Variants in TMCO1 observed in about 807,000 individuals in gnomAD.
TMCO1 encodes transmembrane and coiled-coil domains 1, also known as calcium load-activated calcium channel.
Under a neutral mutation model 29.3 loss-of-function variants are expected in TMCO1, and 29 were observed. The ratio of observed to expected loss-of-function variants is 0.99; its 90% CI spans 0.74 to 1.35. The LOEUF (loss-of-function observed/expected upper bound fraction) is 1.35, where lower values mean the gene tolerates loss of function less well. Among genes scored for constraint, TMCO1 ranks in the 40% most tolerant of loss-of-function variants. The probability of loss-of-function intolerance (pLI) is 0.00; values close to 1 mark genes in which losing one functional copy is unlikely to be tolerated. For synonymous variants in TMCO1, 80 were observed against 77.1 expected (o/e 1.04, Z -0.20); for missense variants, 173 against 225.5 (o/e 0.77, Z 1.49).
intron 5 of TMCO1, among the ~76,000 whole-genome samples, chr1:165,750,331 T>C (rs1363205145): frequency 6.6e-6 from 1 of 151,362 alleles, no homozygotes; most frequent in Non-Finnish European, 1.5e-5. Flanking sequence ...CCTGAGGTCA[T>C]GAGTTCGAGA....
chr1:165,761,269 TCAAA>T (rs1176269703), intron 2 of TMCO1, among the ~76,000 whole-genome samples: 6 of 152,068 alleles, frequency 3.9e-5, no homozygotes, highest in Admixed American at 3.3e-4. Context: ...GCATGGTGGC[TCAAA>T]CCTGTAATCC....
chr1:165,763,008 C>A (rs1652449683), intron 2 of TMCO1, among the ~76,000 whole-genome samples: 1 of 152,202 alleles, frequency 6.6e-6, no homozygotes, highest in Non-Finnish European at 1.5e-5. Flanking sequence ...CAACTCACTA[C>A]CTTTAAGAAA....
At chr1:165,726,465 C>T, downstream of TMCO1, 1 of 553,864 alleles carries the variant, frequency 1.8e-6, no homozygotes. Context: ...TAATATAGAG[C>T]TTGACAGCCT....
At position 165,744,111 on chromosome 1, in the gene TMCO1, G is replaced by C. The variant is rs115586486; in HGVS notation, c.324-800C>G. Among the ~76,000 whole-genome samples, 711 of 152,152 alleles carry C rather than the reference G, an allele frequency of 4.7e-3. 5 individuals carry two copies. Among genetic ancestry groups the C allele is most frequent in the African/African-American group, 0.016 (680 of 41,476 alleles). Reference sequence around the variant, plus strand: ...TTGACCTCATGATCCGCCTGCCTCAGCCTCTCAAAGTCCTACAGGAATAGA... The same window carrying C: ...TTGACCTCATGATCCGCCTGCCTCACCCTCTCAAAGTCCTACAGGAATAGA... On this transcript the variant is annotated intron_variant, in intron 5 of 6. Transcript: ENST00000367881.
At position 165,752,045 on chromosome 1, in the gene TMCO1, A is replaced by G. The variant is rs1652010591; in HGVS notation, c.323+57T>C. 5 of 1,363,044 alleles carry G rather than the reference A, an allele frequency of 3.7e-6. No individual in the cohort carries two copies. The Admixed American group carries it at 8.6e-5, about 24-fold the overall frequency. 84.4% of individuals were successfully genotyped at this position (1,363,044 alleles called of 1,614,324 possible). ...TTTTACCCAAAAAGTTCATGCTAAC[A>G]TACATACAAATATAGAGTAATAGTT... On this transcript the variant is annotated intron_variant, in intron 5 of 6. Coordinates refer to ENST00000367881, the MANE Select transcript of TMCO1 (RefSeq NM_019026.6).
chr1:165,726,138 G>A (rs2101780452), downstream of TMCO1: 1 of 695,482 alleles, frequency 1.4e-6, no homozygotes, highest in East Asian at 2.7e-5. Context: ...TGTCATTATT[G>A]TTATCATGGG....
downstream of TMCO1, chr1:165,726,463 A>G: frequency 1.8e-6 from 1 of 556,964 alleles, no homozygotes; most frequent in Non-Finnish European, 3.4e-6. Flanking sequence ...TGTAATATAG[A>G]GCTTGACAGC....
chr1:165,755,090 G>C lies in TMCO1; in HGVS notation c.209-816C>G, dbSNP rs1042690408. The C allele has an allele frequency of 2.6e-5, 4 of 152,120 alleles. No homozygotes were observed. In the South Asian group the frequency reaches 8.3e-4, roughly 32 times the overall value. The allele number at this position is 152,120 out of a possible 1,614,324, so 9.4% of individuals were successfully genotyped here. A position where few individuals can be genotyped will look rare whatever the true frequency, so the allele number is the denominator to read the frequency against. ...ATGAAATTTGACAAAATTTCATGGA[G>C]AGAATAATCTGGAAATATGCAAAAG... is the stretch of plus-strand genomic sequence containing the variant. On this transcript the variant is annotated intron_variant, in intron 3 of 6. Transcript: ENST00000367881.
chr1:165,724,695 A>G (rs1266983889), downstream of TMCO1: 1 of 454,116 alleles, frequency 2.2e-6, no homozygotes, highest in African/African-American at 2.0e-5. Flanking sequence ...AGCTAACTGC[A>G]ATATTCAGTA....
At position 165,746,507 on chromosome 1, in the gene TMCO1, T is replaced by C. The variant is rs112637733; in HGVS notation, c.324-3196A>G. ...CACACACAGCATCTAGTATTTTATATTGATGAACTGCAAAAATAATCTGGC... is the reference window on the plus strand; with the variant it reads ...CACACACAGCATCTAGTATTTTATACTGATGAACTGCAAAAATAATCTGGC... On this transcript the variant is annotated intron_variant, in intron 5 of 6. Coordinates refer to ENST00000367881, the MANE Select transcript of TMCO1 (RefSeq NM_019026.6). 1.1e-3 allele frequency among the ~76,000 whole-genome samples: 160 copies of C among 148,040 alleles called. 1 individual carries two copies. The highest frequency in any genetic ancestry group is 2.0e-3 in the Non-Finnish European group (132 of 67,336).
chr1:165,746,515 C>A (rs2101801632), intron 5 of TMCO1, among the ~76,000 whole-genome samples: 1 of 144,040 alleles, frequency 6.9e-6, no homozygotes, highest in Middle Eastern at 3.6e-3. Flanking sequence ...TATTGATGAA[C>A]TGCAAAAATA....
At chr1:165,737,994 A>G (rs1453464663) in intron 6 of TMCO1, among the ~76,000 whole-genome samples, 1 of 152,186 alleles carries the variant, frequency 6.6e-6, no homozygotes, top group African/African-American at 2.4e-5. Flanking sequence ...TCATGCCTCC[A>G]TGTTTCCTAT....
intron 2 of TMCO1, among the ~76,000 whole-genome samples, chr1:165,763,358 G>A (rs556669263): frequency 6.6e-6 from 1 of 152,166 alleles, no homozygotes; most frequent in South Asian, 2.1e-4. Context: ...AGAATTTGTG[G>A]CCGCTCATTT....
chr1:165,729,047 G>A (rs780356348), intron 6 of TMCO1, among the ~76,000 whole-genome samples: 28 of 149,456 alleles, frequency 1.9e-4, no homozygotes, highest in Non-Finnish European at 2.8e-4. Context: ...CAGAGGCTGC[G>A]TGAGCCAAGA....
intron 6 of TMCO1, among the ~76,000 whole-genome samples, chr1:165,740,150 G>A (rs1318215469): frequency 6.6e-6 from 1 of 150,732 alleles, no homozygotes; most frequent in Non-Finnish European, 1.5e-5. Flanking sequence ...ACTCAGAATT[G>A]CTCTTTGTTG....
intron 5 of TMCO1, among the ~76,000 whole-genome samples, chr1:165,743,921 C>G (rs10918272): frequency 6.7e-6 from 1 of 149,624 alleles, no homozygotes; most frequent in African/African-American, 2.5e-5. Flanking sequence ...AGTGCAGTGT[C>G]GCCGTCTCAG....
chr1:165,732,603 T>C (rs1191709591), intron 6 of TMCO1, among the ~76,000 whole-genome samples: 1 of 151,780 alleles, frequency 6.6e-6, no homozygotes, highest in Non-Finnish European at 1.5e-5. Context: ...ACATAAACTA[T>C]GGATTTGGGG....
intron 2 of TMCO1, among the ~76,000 whole-genome samples, chr1:165,762,725 G>A (rs990799047): frequency 3.9e-5 from 6 of 152,090 alleles, no homozygotes; most frequent in Admixed American, 3.9e-4. Flanking sequence ...AAATTCCAGA[G>A]TTCTGCCAAA....
chr1:165,743,565 A>T lies in TMCO1; in HGVS notation c.324-254T>A, dbSNP rs1041143593. 2.6e-5 allele frequency among the ~76,000 whole-genome samples: 4 copies of T among 152,132 alleles called. No individual in the cohort carries two copies. The East Asian group carries it at 7.7e-4, about 29-fold the overall frequency. On this transcript the variant is annotated intron_variant, in intron 5 of 6. Coordinates refer to ENST00000367881, the MANE Select transcript of TMCO1 (RefSeq NM_019026.6). ...GGTATCAAGACCCCTTTATATACTG[A>T]CAAATTATTTAGGACCCTAAAAACT... is the stretch of plus-strand genomic sequence containing the variant.
Sources: gnomAD v4.1 joint callset for allele counts (sites outside exome capture counted in the v4.1 genomes callset) on GRCh38, gnomAD v4.1.1 for gene constraint, MANE v1.5 for transcripts, NCBI Gene and HGNC (gene_info 2026-07-23, HGNC 2026-07-21) for gene names.